Variants in AKT3 observed in about 807,000 individuals in gnomAD.
AKT3 encodes the protein AKT serine/threonine kinase 3.
AKT3 carries 15 observed loss-of-function variants against 65.3 expected under a neutral mutation model. The ratio of observed to expected loss-of-function variants is 0.23; its 90% confidence interval spans 0.15 to 0.35. AKT3 has a LOEUF of 0.35. AKT3 is among the 10% of genes least tolerant of loss of function. The pLI is 1.00. For missense variants in AKT3, 243 were observed against 576.5 expected, an observed-to-expected ratio of 0.42 and a Z score of 5.92; for synonymous variants, 206 against 183.8, an observed-to-expected ratio of 1.12 and a Z score of -0.98.
At chr1:243,613,954 T>C (rs554686911) in intron 7 of AKT3, among the ~76,000 whole-genome samples, 11 of 151,008 alleles carry the variant, frequency 7.3e-5, no homozygotes, top group Admixed American at 7.2e-4. Context: ...CAAGAAAAAC[T>C]AAAATTAAAA....
At chr1:243,829,681 C>G (rs1694380594) in intron 2 of AKT3, among the ~76,000 whole-genome samples, 1 of 152,048 alleles carries the variant, frequency 6.6e-6, no homozygotes, top group South Asian at 2.1e-4. Context: ...AATACAATGG[C>G]AAAAACTAGA....
At chr1:243,658,270 AAC>A (rs1357348585) in intron 4 of AKT3, among the ~76,000 whole-genome samples, 1 of 152,186 alleles carries the variant, frequency 6.6e-6, no homozygotes. Context: ...AAAAAACAGA[AAC>A]ACAAGTAAAA....
intron 13 of AKT3, among the ~76,000 whole-genome samples, chr1:243,510,880 A>T (rs910071071): frequency 3.9e-5 from 6 of 152,268 alleles, no homozygotes; most frequent in South Asian, 2.1e-4. Context: ...GTATGGCAGG[A>T]ACTGCCCATG....
intron 6 of AKT3, among the ~76,000 whole-genome samples, chr1:243,631,888 T>C (rs1440110672): frequency 6.6e-6 from 1 of 152,266 alleles, no homozygotes; most frequent in African/African-American, 2.4e-5. Flanking sequence ...TGTTTCATCA[T>C]GGGCCTGATA....
In AKT3 at chr1:243,503,062, CT is replaced by C. The variant is rs1349316122; in HGVS notation, c.*2186del. ...CTTAAAGAACATACCTTCTAGTCTA[CT>C]TTTTTGTCAAAATGAAACATTCAAC... On this transcript the variant is annotated 3_prime_UTR_variant, in exon 14 of 14. Transcript: ENST00000673466. The C allele has an allele frequency of 8.6e-6, 2 of 233,250 alleles. No individual in the cohort carries two copies. Among genetic ancestry groups the C allele is most frequent in the Non-Finnish European group, 1.7e-5 (2 of 117,966 alleles). 14.4% of individuals were successfully genotyped at this position (233,250 alleles called of 1,614,324 possible).
At chr1:243,781,445 G>T (rs141178010) in intron 2 of AKT3, among the ~76,000 whole-genome samples, 7 of 151,772 alleles carry the variant, frequency 4.6e-5, no homozygotes, top group African/African-American at 7.3e-5. Context: ...CTCCTCTGTC[G>T]AATGCCTCTT....
At chr1:243,601,024 T>C (rs913162725) in intron 8 of AKT3, among the ~76,000 whole-genome samples, 1 of 152,082 alleles carries the variant, frequency 6.6e-6, no homozygotes, top group Admixed American at 6.6e-5. Context: ...AACTGCTTTA[T>C]ACAGCTGTCA....
In AKT3 at chr1:243,636,116, A is replaced by G. The variant is rs575242859; in HGVS notation, c.561+1495T>C. Among the ~76,000 whole-genome samples, 532 of 152,202 alleles carry G rather than the reference A, an allele frequency of 3.5e-3. 2 individuals are homozygous for G. Among genetic ancestry groups the G allele is most frequent in the African/African-American group, 0.012 (513 of 41,572 alleles). The stretch of plus-strand genomic sequence containing the variant: ...GGGATACAAGTGAGGCTAATATATA[A>G]AAGAAAAAACAGAATGGAATAGATA... On this transcript the variant is annotated intron_variant, in intron 6 of 13. Transcript: ENST00000673466.
chr1:243,741,761 T>A (rs1365336699), intron 2 of AKT3: 1 of 152,180 alleles, frequency 6.6e-6, no homozygotes, highest in Non-Finnish European at 1.5e-5. Flanking sequence ...CATAAAATAC[T>A]TCCTACCTTG....
chr1:243,836,486 G>GTCAGTGAA (rs1694897020), intron 2 of AKT3, among the ~76,000 whole-genome samples: 2 of 149,540 alleles, frequency 1.3e-5, no homozygotes, highest in Non-Finnish European at 3.0e-5. Flanking sequence ...AAAAAAACGA[G>GTCAGTGAA]TCAGTGAAGA....
intron 2 of AKT3, among the ~76,000 whole-genome samples, chr1:243,699,525 T>C (rs1293189447): frequency 7.7e-6 from 1 of 130,210 alleles, no homozygotes; most frequent in African/African-American, 3.2e-5. Flanking sequence ...TCTTCATGGG[T>C]GCTTCCACTT....
chr1:243,539,274 C>A (rs769120757), intron 12 of AKT3, among the ~76,000 whole-genome samples: 1 of 152,070 alleles, frequency 6.6e-6, no homozygotes, highest in Non-Finnish European at 1.5e-5. Flanking sequence ...AAGACCTTTA[C>A]GATAATCCAC....
At position 243,501,200 on chromosome 1, in the gene AKT3, A is replaced by AAAT. The variant is rs1669264673; in HGVS notation, c.*4046_*4048dup. ...TCTACAATAGTAGCTTTATGAGGTA[A>AAAT]AATCAGAAAAAGGCCCCATCCAGAA... On this transcript the variant is annotated 3_prime_UTR_variant, in exon 14 of 14. Coordinates refer to ENST00000673466, the MANE Select transcript of AKT3 (RefSeq NM_005465.7). 4.3e-6 allele frequency: 1 copy of AAAT among 232,152 alleles called. No homozygotes were observed. The highest frequency in any genetic ancestry group is 8.5e-6 in the Non-Finnish European group (1 of 117,466). 14.4% of individuals were successfully genotyped at this position (232,152 alleles called of 1,614,324 possible).
At chr1:243,850,626 G>A (rs541430825), upstream of AKT3, among the ~76,000 whole-genome samples, 25 of 149,472 alleles carry the variant, frequency 1.7e-4, no homozygotes, top group South Asian at 5.2e-3. Flanking sequence ...TGTTGACTTT[G>A]AGGAAAACTC....
chr1:243,774,005 C>T (rs1690376717), intron 2 of AKT3, among the ~76,000 whole-genome samples: 1 of 151,836 alleles, frequency 6.6e-6, no homozygotes, highest in South Asian at 2.1e-4. Context: ...ACAGAGTGAA[C>T]AGAGAAGGAT....
chr1:243,760,042 T>C lies in AKT3; in HGVS notation c.47-64326A>G, dbSNP rs1361068760. On this transcript the variant is annotated intron_variant, in intron 2 of 13. Transcript: ENST00000673466. ...GAGTGGACCAGGAAACTTTAGGCTT[T>C]AAACTTGGGTTAGGCTACTCCTAGA... Among the ~76,000 whole-genome samples the C allele has an allele frequency of 2.6e-5, 4 of 152,198 alleles. No individual in the cohort carries two copies. The East Asian group carries it at 5.8e-4, about 22-fold the overall frequency.
chr1:243,723,831 G>C (rs1452321117), intron 2 of AKT3, among the ~76,000 whole-genome samples: 1 of 152,162 alleles, frequency 6.6e-6, no homozygotes, highest in Non-Finnish European at 1.5e-5. Context: ...TGAGGTGGAA[G>C]ATCACTTGAG....
intron 2 of AKT3, among the ~76,000 whole-genome samples, chr1:243,699,295 A>G (rs1685266620): frequency 6.6e-6 from 1 of 151,828 alleles, no homozygotes; most frequent in Non-Finnish European, 1.5e-5. Flanking sequence ...CCTGGTTAAA[A>G]TGGAAAGTCT....
intron 2 of AKT3, among the ~76,000 whole-genome samples, chr1:243,796,973 G>C (rs536812190): frequency 1.3e-5 from 2 of 152,120 alleles, no homozygotes; most frequent in South Asian, 4.2e-4. Flanking sequence ...TGAGAGGAGA[G>C]AGAAAATAAA....
Sources: gnomAD v4.1 joint callset for allele counts (sites outside exome capture counted in the v4.1 genomes callset) on GRCh38, gnomAD v4.1.1 for gene constraint, MANE v1.5 for transcripts, NCBI Gene and HGNC (gene_info 2026-07-23, HGNC 2026-07-21) for gene names.